Variants in NRG1 observed in about 807,000 individuals in gnomAD.
The protein encoded by NRG1 is pro-neuregulin-1, membrane-bound isoform.
Under a neutral mutation model 63.8 loss-of-function variants are expected in NRG1, and 18 were observed. The observed-to-expected ratio is 0.28, with a 90% CI of 0.19 to 0.42. The LOEUF (loss-of-function observed/expected upper bound fraction) is 0.42, where lower values mean the gene tolerates loss of function less well. NRG1 is among the 10% of genes least tolerant of loss of function. The pLI is 1.00. For missense variants in NRG1, 762 were observed against 814.7 expected (o/e 0.94, Z 0.79); for synonymous variants, 302 against 301.3 (o/e 1.00, Z -0.02).
intron 1 of NRG1, among the ~76,000 whole-genome samples, chr8:32,299,118 T>A (rs542935637): frequency 3.3e-4 from 50 of 151,774 alleles, no homozygotes; most frequent in African/African-American, 1.2e-3. Context: ...ACCCTTAACA[T>A]TTAAACAAGG....
At chr8:32,765,957 AT>A (rs1259792613) in exon 12 of NRG1, 1 of 152,114 alleles carries the variant, frequency 6.6e-6, no homozygotes, top group Non-Finnish European at 1.5e-5. Flanking sequence ...CACAGAACCC[AT>A]TTCATGGCCT....
chr8:31,983,240 T>G (rs542457402), intron 1 of NRG1, among the ~76,000 whole-genome samples: 1 of 152,104 alleles, frequency 6.6e-6, no homozygotes, highest in African/African-American at 2.4e-5. Flanking sequence ...TTCTCACATG[T>G]GAATCTTTTA....
chr8:32,479,762 G>T (rs911772868), intron 1 of NRG1, among the ~76,000 whole-genome samples: 4 of 151,942 alleles, frequency 2.6e-5, no homozygotes, highest in Non-Finnish European at 5.9e-5. Flanking sequence ...TGATTCCCCT[G>T]CCTCAGCCTC....
chr8:32,701,966 A>C (rs1397296607), intron 5 of NRG1, among the ~76,000 whole-genome samples: 3 of 152,240 alleles, frequency 2.0e-5, no homozygotes, highest in Non-Finnish European at 4.4e-5. Flanking sequence ...AGATAAATCA[A>C]AGTGCTAGGA....
chr8:32,625,561 T>C (rs1261842879), intron 5 of NRG1, among the ~76,000 whole-genome samples: 1 of 152,196 alleles, frequency 6.6e-6, no homozygotes, highest in African/African-American at 2.4e-5. Flanking sequence ...GTATTTGTAA[T>C]TATCACAAAT....
At chr8:32,081,836 G>A (rs73673202) in intron 1 of NRG1, among the ~76,000 whole-genome samples, 3,844 of 152,028 alleles carry the variant, frequency 0.025, 179 homozygotes, top group African/African-American at 0.087. Flanking sequence ...GAGATGTTTC[G>A]ATCTGTGGAT....
chr8:31,887,460 G>A (rs974877574), intron 1 of NRG1, among the ~76,000 whole-genome samples: 4 of 151,988 alleles, frequency 2.6e-5, no homozygotes, highest in Non-Finnish European at 4.4e-5. Flanking sequence ...GATATTCTTA[G>A]AGTGGAAATT....
chr8:32,080,143 T>C (rs1456578795), intron 1 of NRG1, among the ~76,000 whole-genome samples: 2 of 152,190 alleles, frequency 1.3e-5, no homozygotes, highest in African/African-American at 4.8e-5. Flanking sequence ...TAAATTATAA[T>C]GTTTATCCTG....
intron 1 of NRG1, among the ~76,000 whole-genome samples, chr8:31,978,061 C>T (rs79101662): frequency 0.011 from 1,639 of 152,202 alleles, 29 homozygotes; most frequent in African/African-American, 0.037. Flanking sequence ...CAAAAGATCA[C>T]TAGCAAATGG....
chr8:32,585,996 T>C (rs970355748), intron 1 of NRG1, among the ~76,000 whole-genome samples: 14 of 152,136 alleles, frequency 9.2e-5, no homozygotes, highest in Admixed American at 2.0e-4. Flanking sequence ...TTTCTGTTTC[T>C]TCATCTGTAA....
At chr8:32,501,399 A>G (rs1190829169) in intron 1 of NRG1, among the ~76,000 whole-genome samples, 3 of 152,224 alleles carry the variant, frequency 2.0e-5, no homozygotes, top group Non-Finnish European at 4.4e-5. Flanking sequence ...TTTATTTGAC[A>G]GTGCTTCCCA....
intron 1 of NRG1, among the ~76,000 whole-genome samples, chr8:32,244,227 A>G (rs899074725): frequency 3.9e-5 from 6 of 152,136 alleles, no homozygotes; most frequent in Non-Finnish European, 7.4e-5. Flanking sequence ...TATATTCCAC[A>G]TGTTGGCAGA....
intron 5 of NRG1, among the ~76,000 whole-genome samples, chr8:32,709,305 C>T (rs1817226597): frequency 1.3e-5 from 2 of 152,108 alleles, no homozygotes; most frequent in African/African-American, 4.8e-5. Flanking sequence ...TCTCTTATCA[C>T]CGAAGTAAAT....
chr8:32,014,988 G>C (rs1426397739), intron 1 of NRG1, among the ~76,000 whole-genome samples: 1 of 152,058 alleles, frequency 6.6e-6, no homozygotes, highest in African/African-American at 2.4e-5. Flanking sequence ...AGAGAGGCCT[G>C]AACAGATTCT....
intron 1 of NRG1, among the ~76,000 whole-genome samples, chr8:32,076,073 ATTGTCATGTCTT>A (rs1293622621): frequency 6.6e-6 from 1 of 152,164 alleles, no homozygotes; most frequent in Non-Finnish European, 1.5e-5. Flanking sequence ...GTGTATTGTT[ATTGTCATGTCTT>A]TTATTCTCCC....
At chr8:32,755,253 C>G (rs556552414) in intron 8 of NRG1, among the ~76,000 whole-genome samples, 1 of 152,256 alleles carries the variant, frequency 6.6e-6, no homozygotes, top group African/African-American at 2.4e-5. Flanking sequence ...CTTCACTTTT[C>G]TCTCCTACAT....
chr8:32,271,244 A>G (rs1001918595), intron 1 of NRG1, among the ~76,000 whole-genome samples: 2 of 152,216 alleles, frequency 1.3e-5, no homozygotes, highest in Non-Finnish European at 2.9e-5. Flanking sequence ...GAGAAAGAAG[A>G]TATAAGTTTT....
intron 1 of NRG1, among the ~76,000 whole-genome samples, chr8:32,592,105 G>GT (rs113892607): frequency 0.25 from 35,845 of 144,968 alleles, 4,370 homozygotes; most frequent in Non-Finnish European, 0.27. Flanking sequence ...AAGGCTCCCG[G>GT]TTTTTTTTTT....
At chr8:31,981,427 C>T (rs1343853494) in intron 1 of NRG1, among the ~76,000 whole-genome samples, 3 of 151,918 alleles carry the variant, frequency 2.0e-5, no homozygotes, top group Non-Finnish European at 4.4e-5. Context: ...CTGGAATAAA[C>T]TCTTTTTAAA....
Sources: gnomAD v4.1 joint callset for allele counts (sites outside exome capture counted in the v4.1 genomes callset) on GRCh38, gnomAD v4.1.1 for gene constraint, MANE v1.5 for transcripts, NCBI Gene and HGNC (gene_info 2026-07-23, HGNC 2026-07-21) for gene names.